SYT16: variants seen among roughly 807,000 people sequenced by gnomAD.
The protein encoded by SYT16 is synaptotagmin 16.
Under a neutral mutation model 61.4 loss-of-function variants are expected in SYT16, and 42 were observed. That is an observed-to-expected ratio of 0.68 (90% CI 0.53 to 0.89). SYT16 has a LOEUF of 0.89. Ranked by LOEUF, SYT16 falls within the 40% of genes least tolerant of loss-of-function variation. The probability of loss-of-function intolerance (pLI) is 0.00; values close to 1 mark genes in which losing one functional copy is unlikely to be tolerated. For synonymous variants in SYT16, 314 were observed against 302.3 expected (o/e 1.04, Z -0.40); for missense variants, 804 against 807.3 (o/e 1.00, Z 0.05).
intron 1 of SYT16, among the ~76,000 whole-genome samples, chr14:61,872,828 T>C (rs2047371116): frequency 6.6e-6 from 1 of 152,246 alleles, no homozygotes; most frequent in Non-Finnish European, 1.5e-5. Flanking sequence ...TTAGCTCTTG[T>C]CTGGATGCCT....
rs199691174 is a variant in SYT16 at position 61,996,140 on chromosome 14, A to C, written c.121A>C (p.Asn41His). 4.6e-4 allele frequency: 749 copies of C among 1,613,374 alleles called. 4 individuals are homozygous for C. Among genetic ancestry groups the C allele is most frequent in the East Asian group, 9.8e-4 (44 of 44,844 alleles). ...AGATATGTTATCTGCTTCGCTGGTT[A>C]ACATAAGCAAACAAGACTCTAAATT... is the stretch of plus-strand genomic sequence containing the variant. ...AGDMLSASLV[N>H]ISKQDSKLSD... The change falls in exon 3 of 8, where the codon AAC (asparagine) becomes CAC (histidine). Residue 41 changes from asparagine (N) to histidine (H), a missense_variant. Physicochemically the swap from Asn to His is moderately conservative, Grantham distance 68. Transcript: ENST00000683842.
rs2057537317 is a variant in SYT16 at position 62,107,678 on chromosome 14, T to C, written c.*6971T>C. 6.6e-6 allele frequency: 1 copy of C among 152,160 alleles called. No individual in the cohort carries two copies. The highest frequency in any genetic ancestry group is 1.5e-5 in the Non-Finnish European group (1 of 68,026). The allele number at this position is 152,160 out of a possible 1,614,324, so 9.4% of individuals were successfully genotyped here. A position where few individuals can be genotyped will look rare whatever the true frequency, so the allele number is the denominator to read the frequency against. On this transcript the variant is annotated 3_prime_UTR_variant, in exon 8 of 8. Coordinates refer to ENST00000683842, the MANE Select transcript of SYT16 (RefSeq NM_001367656.1). ...CTTTCCCCCTTTGAAAGGCAGAAGA[T>C]TTAGGGAAGGTGAAAGTTATTACCC...
chr14:61,991,907 C>G (rs2052564456), intron 2 of SYT16, among the ~76,000 whole-genome samples: 1 of 152,110 alleles, frequency 6.6e-6, no homozygotes, highest in Non-Finnish European at 1.5e-5. Flanking sequence ...AGAAAGGAAT[C>G]AGGTTTACTT....
chr14:61,914,602 G>A (rs2049049623), intron 1 of SYT16, among the ~76,000 whole-genome samples: 2 of 138,276 alleles, frequency 1.4e-5, no homozygotes, highest in South Asian at 5.3e-4. Context: ...CCATCTGTTG[G>A]CTGAGGCCAA....
At chr14:62,085,726 A>T (rs1029302354) in intron 7 of SYT16, among the ~76,000 whole-genome samples, 1 of 152,222 alleles carries the variant, frequency 6.6e-6, no homozygotes, top group African/African-American at 2.4e-5. Context: ...AGCACTTTGG[A>T]TAACAGAATA....
intron 1 of SYT16, among the ~76,000 whole-genome samples, chr14:61,886,954 G>A (rs1325313102): frequency 7.0e-6 from 1 of 143,412 alleles, no homozygotes; most frequent in Non-Finnish European, 1.5e-5. Context: ...GCCCAGGCAG[G>A]TCTCGAACTC....
intron 3 of SYT16, among the ~76,000 whole-genome samples, chr14:62,059,925 C>A (rs1208258293): frequency 6.6e-6 from 1 of 151,818 alleles, no homozygotes; most frequent in African/African-American, 2.4e-5. Flanking sequence ...AATAATAGAC[C>A]ATACTTGTGT....
chr14:62,099,589 G>A (rs2057365756), intron 7 of SYT16, among the ~76,000 whole-genome samples: 1 of 152,158 alleles, frequency 6.6e-6, no homozygotes, highest in Non-Finnish European at 1.5e-5. Context: ...GCTGGATCTC[G>A]AGTTTGGGAG....
intron 1 of SYT16, among the ~76,000 whole-genome samples, chr14:61,829,423 GT>G (rs1379788806): frequency 6.6e-6 from 1 of 151,988 alleles, no homozygotes; most frequent in Non-Finnish European, 1.5e-5. Context: ...GTTTAGTTAG[GT>G]TTTTCAATCT....
At chr14:62,021,893 G>A (rs1222041381) in intron 3 of SYT16, among the ~76,000 whole-genome samples, 2 of 152,282 alleles carry the variant, frequency 1.3e-5, no homozygotes, top group East Asian at 3.9e-4. Context: ...GGGGTCCACT[G>A]TCTGTCTCAG....
chr14:61,929,680 G>A (rs102888), intron 1 of SYT16, among the ~76,000 whole-genome samples: 138,820 of 152,284 alleles, frequency 0.91, 63,397 homozygotes, highest in South Asian at 0.98. Flanking sequence ...ATGTGTTGTG[G>A]GAAGCTGAGT....
rs535144016 is a variant in SYT16, at chr14:61,819,638, A to G, written c.-325+6828A>G. ...CTGCATGAAAATGCCCCTGGTTTAT[A>G]TACTTAATTCAAAAGAGCACCATAC... On this transcript the variant is annotated intron_variant, in intron 1 of 7. Transcript: ENST00000683842. 1.6e-4 allele frequency among the ~76,000 whole-genome samples: 24 copies of G among 152,358 alleles called. No individual in the cohort carries two copies. In the South Asian group the frequency reaches 3.7e-3, roughly 24 times the overall value.
chr14:62,080,961 C>T lies in SYT16; in HGVS notation c.1121C>T (p.Ala374Val), dbSNP rs1348917881. 2 of 1,612,302 alleles carry T rather than the reference C, an allele frequency of 1.2e-6. No individual in the cohort carries two copies. The highest frequency in any genetic ancestry group is 2.7e-5 in the African/African-American group (2 of 74,878). Residue 374 changes from alanine to valine, a missense_variant, in exon 6 of 8, where the codon GCA becomes GTA. Transcript: ENST00000683842. ...AAGCTCACAGTGACCATTGTGAGGG[C>T]ACAGGGCCTCCCAGATAAGGACCGA... Reference protein sequence around the residue: ...SQKLTVTIVRAQGLPDKDRSG... With the variant: ...SQKLTVTIVRVQGLPDKDRSG...
In SYT16 at chr14:62,013,905, C is replaced by T. The variant is rs372476591; in HGVS notation, c.523+17363C>T. Among the ~76,000 whole-genome samples the T allele has an allele frequency of 2.8e-3, 425 of 151,384 alleles. 2 individuals are homozygous for T. Among genetic ancestry groups the T allele is most frequent in the African/African-American group, 8.8e-3 (361 of 41,198 alleles). ...CTTGAACCTGGGAGGCGGAGGTTGC[C>T]GTGAGCCGAGATTGTGCCACTGCAC... On this transcript the variant is annotated intron_variant, in intron 3 of 7. Coordinates refer to ENST00000683842, the MANE Select transcript of SYT16 (RefSeq NM_001367656.1).
intron 1 of SYT16, among the ~76,000 whole-genome samples, chr14:61,916,436 T>C (rs373698658): frequency 6.6e-4 from 100 of 152,258 alleles, no homozygotes; most frequent in African/African-American, 2.3e-3. Context: ...AGGGCTTTTT[T>C]CCCTGCGATT....
At chr14:62,075,597 T>A (rs2056461525) in intron 5 of SYT16, among the ~76,000 whole-genome samples, 2 of 93,084 alleles carry the variant, frequency 2.1e-5, no homozygotes, top group East Asian at 2.8e-4. Context: ...AAAAAAAGGA[T>A]GAACGGTAAA....
chr14:61,996,357 C>A lies in SYT16; in HGVS notation c.338C>A (p.Ala113Glu), dbSNP rs368589747. The change falls in exon 3 of 8, where the codon GCA becomes GAA. Residue 113 changes from alanine (A) to glutamate (E), a missense_variant. Transcript: ENST00000683842. ...TCAAGCCCAAGCCTTAGCCAACATG[C>A]AAAGGACTCATGTTCCACAATGTCC... ...QNSSPSLSQH[A>E]KDSCSTMSQW... The A allele has an allele frequency of 6.2e-7, 1 of 1,613,514 alleles. No homozygotes were observed. Among genetic ancestry groups the A allele is most frequent in the Middle Eastern group, 1.7e-4 (1 of 6,046 alleles).
chr14:62,014,429 T>A (rs973345658), intron 3 of SYT16, among the ~76,000 whole-genome samples: 3 of 151,862 alleles, frequency 2.0e-5, no homozygotes, highest in Non-Finnish European at 4.4e-5. Context: ...TTATCCCTAC[T>A]ACCTTAATTC....
rs79066643 is a variant in SYT16, at chr14:61,942,570, A to C, written c.-324-27562A>C. 8.9e-3 allele frequency among the ~76,000 whole-genome samples: 1,358 copies of C among 152,320 alleles called. 19 individuals are homozygous for C. Among genetic ancestry groups the C allele is most frequent in the African/African-American group, 0.031 (1,296 of 41,572 alleles). On this transcript the variant is annotated intron_variant, in intron 1 of 7. Coordinates refer to ENST00000683842, the MANE Select transcript of SYT16 (RefSeq NM_001367656.1). ...TTTTTCGACTCACAGTGGGATTCTG[A>C]AACAGAATTTCAGCAGGAATTTAGA...
Sources: allele counts gnomAD v4.1 joint callset (sites outside exome capture counted in the v4.1 genomes callset), GRCh38; gene constraint gnomAD v4.1.1; transcripts MANE v1.5; gene names NCBI Gene and HGNC (gene_info 2026-07-23, HGNC 2026-07-21).